The following ARL3 variants were observed in gnomAD, a reference collection of about 807,000 sequenced individuals.
The protein encoded by ARL3 is ARF like GTPase 3.
In ARL3, 9 loss-of-function variants were observed where a neutral mutation model predicts 26.0. The ratio of observed to expected loss-of-function variants is 0.35; its 90% CI spans 0.21 to 0.60. The LOEUF is 0.60. ARL3 is among the 20% of genes least tolerant of loss of function. The pLI is 0.78. For missense variants in ARL3, 158 were observed against 215.7 expected, an observed-to-expected ratio of 0.73 and a Z score of 1.67; for synonymous variants, 71 against 78.4, an observed-to-expected ratio of 0.91 and a Z score of 0.50.
chr10:102,688,122 G>T (rs2064197149), intron 4 of ARL3, among the ~76,000 whole-genome samples: 1 of 152,178 alleles, frequency 6.6e-6, no homozygotes, highest in African/African-American at 2.4e-5. Context: ...ATAGGTTGGG[G>T]TCTAAACTAT....
chr10:102,696,261 G>C (rs986187015), intron 3 of ARL3, among the ~76,000 whole-genome samples: 5 of 130,710 alleles, frequency 3.8e-5, no homozygotes, highest in African/African-American at 1.4e-4. Flanking sequence ...ACAGAGCCTG[G>C]CCAACATTTT....
rs57721161 is a variant in ARL3, at chr10:102,703,425, C to CTTT, written c.147+1918_147+1920dup. 6.0e-4 allele frequency among the ~76,000 whole-genome samples: 29 copies of CTTT among 48,484 alleles called. 5 individuals are homozygous for CTTT. The highest frequency in any genetic ancestry group is 7.6e-4 in the African/African-American group (9 of 11,904). The allele number at this position is 48,484 out of a possible 152,430, so 31.8% of individuals were successfully genotyped here. A position where few individuals can be genotyped will look rare whatever the true frequency, so the allele number is the denominator to read the frequency against. ...ATGAGCCATGGTGCCCAGGACTTGTCTTTTTTTTTTTTTTTTTTTTTTTTT... is the reference window on the plus strand; with the variant it reads ...ATGAGCCATGGTGCCCAGGACTTGTCTTTTTTTTTTTTTTTTTTTTTTTTTTTT... On this transcript the variant is annotated intron_variant, in intron 2 of 5. Coordinates refer to ENST00000260746, the MANE Select transcript of ARL3 (RefSeq NM_004311.4).
rs542195432 is a variant in ARL3 at position 102,684,822 on chromosome 10, A to G, written c.501+994T>C. ...TCCGGCTGATTTTTTTTGTATTTTT[A>G]GTAGAGACGGGGGTTTCACCATGTT... On this transcript the variant is annotated intron_variant, in intron 5 of 5. Coordinates refer to ENST00000260746, the MANE Select transcript of ARL3 (RefSeq NM_004311.4). 1.5e-3 allele frequency among the ~76,000 whole-genome samples: 220 copies of G among 151,390 alleles called. 1 individual carries two copies. Among genetic ancestry groups the G allele is most frequent in the African/African-American group, 5.1e-3 (211 of 41,392 alleles).
At chr10:102,713,201 G>A (rs1278768236) in intron 1 of ARL3, among the ~76,000 whole-genome samples, 1 of 151,864 alleles carries the variant, frequency 6.6e-6, no homozygotes, top group Non-Finnish European at 1.5e-5. Context: ...GCTCTTTGCA[G>A]CCAACTAACC....
chr10:102,689,995 G>A (rs775105181), intron 3 of ARL3, 52 bp from the exon 4 acceptor site: 2 of 1,269,076 alleles, frequency 1.6e-6, no homozygotes, highest in Non-Finnish European at 2.2e-6. Flanking sequence ...GGAAAAGACA[G>A]GGCAATTTCT....
At chr10:102,699,791 AAC>A in intron 2 of ARL3, among the ~76,000 whole-genome samples, 1 of 152,244 alleles carries the variant, frequency 6.6e-6, no homozygotes. Context: ...CTAATTAACC[AAC>A]ACACATCACA....
At chr10:102,680,524 G>C (rs544832630) in intron 5 of ARL3, among the ~76,000 whole-genome samples, 2 of 152,300 alleles carry the variant, frequency 1.3e-5, no homozygotes, top group Admixed American at 1.3e-4. Context: ...ACCACTGGGA[G>C]AAACAGCAGG....
rs2064155735 is a variant in ARL3 at position 102,681,401 on chromosome 10, A to AAG, written c.501+4414_501+4415insCT. ...GAGCGAAACTCCATCTCAAAAAAAA[A>AAG]AAAAAAATTAAAATTCTGTGGCATA... On this transcript the variant is annotated intron_variant, in intron 5 of 5. Coordinates refer to ENST00000260746, the MANE Select transcript of ARL3 (RefSeq NM_004311.4). Among the ~76,000 whole-genome samples the AAG allele has an allele frequency of 2.0e-5, 3 of 151,628 alleles. No homozygotes were observed. The South Asian group carries it at 6.3e-4, about 32-fold the overall frequency.
At chr10:102,698,472 G>A (rs1200124484) in intron 3 of ARL3, among the ~76,000 whole-genome samples, 2 of 152,208 alleles carry the variant, frequency 1.3e-5, no homozygotes, top group African/African-American at 2.4e-5. Context: ...CTTTTGGTTA[G>A]AGGTTAGTAA....
chr10:102,703,975 A>G (rs953054221), intron 2 of ARL3, among the ~76,000 whole-genome samples: 1 of 150,152 alleles, frequency 6.7e-6, no homozygotes, highest in Non-Finnish European at 1.5e-5. Context: ...CAACGGTGAA[A>G]CCCTGTCTCT....
At chr10:102,696,373 C>G (rs1041772105) in intron 3 of ARL3, among the ~76,000 whole-genome samples, 7 of 150,210 alleles carry the variant, frequency 4.7e-5, no homozygotes, top group African/African-American at 7.4e-5. Context: ...TCAAGCAATT[C>G]TCTGCCTCAG....
At chr10:102,681,555 C>T (rs950609179) in intron 5 of ARL3, among the ~76,000 whole-genome samples, 5 of 152,114 alleles carry the variant, frequency 3.3e-5, no homozygotes, top group Admixed American at 1.3e-4. Flanking sequence ...GCTCATGGCC[C>T]CTTTTGTGGA....
At chr10:102,682,285 C>T (rs1033337127) in intron 5 of ARL3, among the ~76,000 whole-genome samples, 10 of 137,224 alleles carry the variant, frequency 7.3e-5, no homozygotes, top group East Asian at 7.2e-4. Context: ...TTCTGCTTCT[C>T]GTGCCCTTTA....
Position 102,674,534 on chromosome 10 carries a change from G to A in ARL3, c.*2360C>T, listed in dbSNP as rs1312311964. The stretch of plus-strand genomic sequence containing the variant: ...CACATTCAGATGCAATTGTGCGCAG[G>A]GCAAAAGTCTCGCTAAGACTCACTG... On this transcript the variant is annotated 3_prime_UTR_variant, in exon 6 of 6. Transcript: ENST00000260746. 6.6e-6 allele frequency: 1 copy of A among 152,172 alleles called. No individual in the cohort carries two copies. The highest frequency in any genetic ancestry group is 1.5e-5 in the Non-Finnish European group (1 of 68,072). 9.4% of individuals were successfully genotyped at this position (152,172 alleles called of 1,614,324 possible). A position where few individuals can be genotyped will look rare whatever the true frequency, so the allele number is the denominator to read the frequency against.
intron 3 of ARL3, among the ~76,000 whole-genome samples, chr10:102,698,791 G>C (rs909706522): frequency 6.6e-6 from 1 of 152,146 alleles, no homozygotes; most frequent in African/African-American, 2.4e-5. Context: ...CCTACTACTG[G>C]ACGATTGTAA....
At chr10:102,709,526 G>A (rs543605876) in intron 1 of ARL3, among the ~76,000 whole-genome samples, 4 of 150,628 alleles carry the variant, frequency 2.7e-5, no homozygotes, top group Admixed American at 1.3e-4. Context: ...GTGCACCTGC[G>A]GTTCCAGCTA....
Position 102,685,839 on chromosome 10 carries a change from C to A in ARL3, c.478G>T (p.Ala160Ser), listed in dbSNP as rs894980013. Residue 160 changes from alanine to serine, a missense_variant, in exon 5 of 6, where the codon GCT becomes TCT. Ala to Ser is a moderately conservative substitution (Grantham distance 99, BLOSUM62 1). Transcript: ENST00000260746. ...DRVWQIQSCS[A>S]LTGEGVQDGM... ...ACCTGAACGCCCTCTCCTGTGAGAG[C>A]TGAGCAAGACTGGATCTGCCAGACT... The A allele has an allele frequency of 1.2e-6, 2 of 1,611,994 alleles. No homozygotes were observed. Among genetic ancestry groups the A allele is most frequent in the Non-Finnish European group, 1.7e-6 (2 of 1,179,238 alleles).
intron 3 of ARL3, among the ~76,000 whole-genome samples, chr10:102,694,356 C>T (rs4264100): frequency 6.6e-6 from 1 of 151,962 alleles, no homozygotes; most frequent in African/African-American, 2.4e-5. Context: ...TTTTGTGTAT[C>T]TAAAACCTCA....
chr10:102,713,199 C>T (rs976739871), intron 1 of ARL3, among the ~76,000 whole-genome samples: 15 of 151,830 alleles, frequency 9.9e-5, no homozygotes, highest in African/African-American at 3.6e-4. Flanking sequence ...AGGCTCTTTG[C>T]AGCCAACTAA....
Sources: gnomAD v4.1 joint callset for allele counts (sites outside exome capture counted in the v4.1 genomes callset) on GRCh38, gnomAD v4.1.1 for gene constraint, MANE v1.5 for transcripts, NCBI Gene and HGNC (gene_info 2026-07-23, HGNC 2026-07-21) for gene names.